NRXN3: variants seen among roughly 807,000 people sequenced by gnomAD.
NRXN3 encodes neurexin III.
Under a neutral mutation model 137.6 loss-of-function variants are expected in NRXN3, and 32 were observed. That is an observed-to-expected ratio of 0.23 (90% CI 0.18 to 0.31). NRXN3 has a LOEUF of 0.31. Ranked by LOEUF, NRXN3 falls within the 10% of genes least tolerant of loss-of-function variation. The probability of loss-of-function intolerance (pLI) is 1.00; values close to 1 mark genes in which losing one functional copy is unlikely to be tolerated. For missense variants in NRXN3, 1,574 were observed against 2,062.5 expected (o/e 0.76, Z 4.59); for synonymous variants, 798 against 784.5 (o/e 1.02, Z -0.29).
intron 16 of NRXN3, among the ~76,000 whole-genome samples, chr14:79,527,157 G>T (rs2097127747): frequency 6.6e-6 from 1 of 151,960 alleles, no homozygotes; most frequent in African/African-American, 2.4e-5. Flanking sequence ...AGCCGGGCAT[G>T]GTGGCAGAAG....
intron 1 of NRXN3, among the ~76,000 whole-genome samples, chr14:78,225,264 G>A (rs1378562943): frequency 6.6e-6 from 1 of 152,074 alleles, no homozygotes; most frequent in Non-Finnish European, 1.5e-5. Context: ...AGCACCTGTT[G>A]TTTCCTGACT....
chr14:79,121,640 T>C (rs1017368034), intron 15 of NRXN3, among the ~76,000 whole-genome samples: 17 of 152,234 alleles, frequency 1.1e-4, no homozygotes, highest in Admixed American at 1.0e-3. Flanking sequence ...ATATGCTGTG[T>C]GTGAACTGAG....
At chr14:78,377,024 AT>A (rs2087986561) in intron 4 of NRXN3, among the ~76,000 whole-genome samples, 1 of 152,218 alleles carries the variant, frequency 6.6e-6, no homozygotes, top group Admixed American at 6.5e-5. Flanking sequence ...GAAAACAGAA[AT>A]AAAGAACAGA....
chr14:78,662,062 G>A (rs1442347814), intron 6 of NRXN3, among the ~76,000 whole-genome samples: 2 of 150,062 alleles, frequency 1.3e-5, no homozygotes, highest in Admixed American at 6.6e-5. Context: ...TTTTAGTAGA[G>A]AAGGGGTTTC....
At chr14:79,221,599 G>C (rs1261533736) in intron 15 of NRXN3, among the ~76,000 whole-genome samples, 1 of 152,040 alleles carries the variant, frequency 6.6e-6, no homozygotes. Context: ...TGATGGGGTT[G>C]TTTGTTTTTT....
At chr14:78,334,615 A>C (rs1032971390) in intron 4 of NRXN3, among the ~76,000 whole-genome samples, 1 of 152,162 alleles carries the variant, frequency 6.6e-6, no homozygotes, top group Admixed American at 6.5e-5. Context: ...ATATGTGTTT[A>C]TATTTTATAA....
chr14:79,572,626 G>A (rs935485359), intron 16 of NRXN3, among the ~76,000 whole-genome samples: 5 of 152,148 alleles, frequency 3.3e-5, no homozygotes, highest in African/African-American at 1.2e-4. Flanking sequence ...GAAGAGTAGA[G>A]ATTCAGTTCA....
At chr14:79,390,939 G>C (rs1439752508) in intron 15 of NRXN3, among the ~76,000 whole-genome samples, 1 of 152,086 alleles carries the variant, frequency 6.6e-6, no homozygotes, top group Non-Finnish European at 1.5e-5. Flanking sequence ...GTTCTAAAAG[G>C]AAGTTCAGCC....
intron 6 of NRXN3, among the ~76,000 whole-genome samples, chr14:78,660,984 T>C (rs1223460586): frequency 6.6e-6 from 1 of 152,232 alleles, no homozygotes; most frequent in African/African-American, 2.4e-5. Context: ...CTGCCTCAGA[T>C]GAATGCTATC....
chr14:79,172,616 C>T (rs1290802276), intron 15 of NRXN3, among the ~76,000 whole-genome samples: 2 of 152,152 alleles, frequency 1.3e-5, no homozygotes, highest in African/African-American at 2.4e-5. Flanking sequence ...TAAATACTAT[C>T]TAAATCAAAG....
At chr14:78,331,830 A>G (rs750966832) in intron 4 of NRXN3, among the ~76,000 whole-genome samples, 1 of 152,212 alleles carries the variant, frequency 6.6e-6, no homozygotes, top group East Asian at 1.9e-4. Flanking sequence ...CAATATAAAA[A>G]TAGTTTTGTC....
chr14:78,798,032 C>T (rs1279375951), intron 8 of NRXN3, among the ~76,000 whole-genome samples: 1 of 152,142 alleles, frequency 6.6e-6, no homozygotes, highest in Non-Finnish European at 1.5e-5. Context: ...TAACCCATAT[C>T]ATTCCATCCC....
At chr14:79,128,813 C>G (rs532170143) in intron 15 of NRXN3, among the ~76,000 whole-genome samples, 222 of 151,686 alleles carry the variant, frequency 1.5e-3, no homozygotes, top group African/African-American at 5.2e-3. Flanking sequence ...GTCCTGGACT[C>G]TTTTTGGTTG....
chr14:78,663,857 A>T (rs1160574812), intron 6 of NRXN3, among the ~76,000 whole-genome samples: 1 of 152,230 alleles, frequency 6.6e-6, no homozygotes, highest in Non-Finnish European at 1.5e-5. Context: ...GATTAAAAAA[A>T]CACTAGTCCT....
intron 16 of NRXN3, among the ~76,000 whole-genome samples, chr14:79,600,833 A>T (rs1403343977): frequency 6.6e-6 from 1 of 152,020 alleles, no homozygotes; most frequent in African/African-American, 2.4e-5. Context: ...AGACAAGATG[A>T]GCCCGGAGAA....
At chr14:79,699,052 G>A (rs1375067100) in intron 19 of NRXN3, among the ~76,000 whole-genome samples, 1 of 151,928 alleles carries the variant, frequency 6.6e-6, no homozygotes, top group African/African-American at 2.4e-5. Flanking sequence ...TGGCTCCACA[G>A]TAACAATTTG....
At chr14:79,775,503 G>A (rs1196485855) in intron 19 of NRXN3, among the ~76,000 whole-genome samples, 2 of 149,456 alleles carry the variant, frequency 1.3e-5, no homozygotes, top group Non-Finnish European at 3.0e-5. Context: ...AGCCTAAGAT[G>A]GATAAGACTG....
intron 10 of NRXN3, among the ~76,000 whole-genome samples, chr14:78,926,066 A>T (rs2099289039): frequency 6.6e-6 from 1 of 152,184 alleles, no homozygotes; most frequent in African/African-American, 2.4e-5. Flanking sequence ...ATAAGTGGAA[A>T]AGTTGAAATT....
chr14:79,264,205 C>T (rs2078079689), intron 15 of NRXN3, among the ~76,000 whole-genome samples: 4 of 152,170 alleles, frequency 2.6e-5, no homozygotes, highest in Admixed American at 2.6e-4. Context: ...TCTCCCACCT[C>T]AGCCTCCCAG....
Sources: gnomAD v4.1 joint callset for allele counts (sites outside exome capture counted in the v4.1 genomes callset) on GRCh38, gnomAD v4.1.1 for gene constraint, MANE v1.5 for transcripts, NCBI Gene and HGNC (gene_info 2026-07-23, HGNC 2026-07-21) for gene names.